The following RABGAP1L variants were observed in gnomAD, a reference collection of about 807,000 sequenced individuals.
The protein encoded by RABGAP1L is RAB GTPase activating protein 1 like, also known as rab GTPase-activating protein 1-like.
A neutral mutation model predicts 137.7 loss-of-function variants in RABGAP1L; 63 were observed. The ratio of observed to expected loss-of-function variants is 0.46; its 90% CI spans 0.37 to 0.56. The LOEUF (loss-of-function observed/expected upper bound fraction) is 0.56. Among genes scored for constraint, RABGAP1L ranks in the 20% least tolerant of loss-of-function variants. RABGAP1L has a pLI of 0.00. For missense variants in RABGAP1L, 1,095 were observed against 1,244.0 expected, an observed-to-expected ratio of 0.88 and a Z score of 1.80; for synonymous variants, 431 against 433.7, an observed-to-expected ratio of 0.99 and a Z score of 0.08.
intron 18 of RABGAP1L, among the ~76,000 whole-genome samples, chr1:174,775,971 C>G (rs147746519): frequency 1.3e-5 from 2 of 152,312 alleles, no homozygotes; most frequent in East Asian, 3.9e-4. Flanking sequence ...AAGATTCTTG[C>G]TATTTCAGTA....
intron 19 of RABGAP1L, among the ~76,000 whole-genome samples, chr1:174,869,757 C>T (rs116085869): frequency 5.9e-5 from 9 of 152,004 alleles, no homozygotes; most frequent in African/African-American, 1.5e-4. Flanking sequence ...TTAGATCATG[C>T]GGGTTAAGTT....
At chr1:174,349,970 C>T (rs1169392032) in intron 11 of RABGAP1L, among the ~76,000 whole-genome samples, 2 of 133,494 alleles carry the variant, frequency 1.5e-5, no homozygotes, top group African/African-American at 2.7e-5. Flanking sequence ...GCTGACCCCC[C>T]CATCTCCCTC....
At chr1:174,733,939 A>G (rs1218566943) in intron 17 of RABGAP1L, among the ~76,000 whole-genome samples, 1 of 152,166 alleles carries the variant, frequency 6.6e-6, no homozygotes, top group East Asian at 1.9e-4. Context: ...TGGGAATGGT[A>G]GGAAGTAGTT....
In RABGAP1L at chr1:174,699,633, T is replaced by C. The variant is rs747630046; in HGVS notation, c.2008T>C (p.Leu670=). ...AGATCTTCATTGCAAATTCTACCAG[T>C]TGGAGAGACTAATGCAGGTAAATAA... ...FEDLHCKFYQ[L]ERLMQEQLPD... is the part of the protein sequence containing the mutation. Residue 670 remains leucine (L), a synonymous_variant, in exon 16 of 26, where the codon TTG becomes CTG. Coordinates refer to ENST00000681986, the MANE Select transcript of RABGAP1L (RefSeq NM_001366446.1). 9 of 1,607,694 alleles carry C rather than the reference T, an allele frequency of 5.6e-6. No homozygotes were observed. In the African/African-American group the frequency reaches 9.4e-5, roughly 17 times the overall value.
intron 13 of RABGAP1L, among the ~76,000 whole-genome samples, chr1:174,620,420 T>G (rs531202370): frequency 4.6e-5 from 7 of 152,006 alleles, no homozygotes; most frequent in Admixed American, 2.0e-4. Context: ...AGAACAGAAA[T>G]TATAACAAAC....
At chr1:174,199,473 G>A (rs1342080922) in intron 1 of RABGAP1L, among the ~76,000 whole-genome samples, 2 of 152,070 alleles carry the variant, frequency 1.3e-5, no homozygotes, top group East Asian at 1.9e-4. Flanking sequence ...TGTATTTTTA[G>A]TAGAGATGGG....
chr1:174,292,513 A>G (rs978012497), intron 10 of RABGAP1L, among the ~76,000 whole-genome samples: 6 of 151,366 alleles, frequency 4.0e-5, no homozygotes, highest in East Asian at 1.9e-4. Context: ...TTTGTGTCCT[A>G]TGGGTCATTC....
intron 11 of RABGAP1L, among the ~76,000 whole-genome samples, chr1:174,352,557 C>G (rs1683291441): frequency 6.6e-6 from 1 of 152,134 alleles, no homozygotes; most frequent in Non-Finnish European, 1.5e-5. Flanking sequence ...ATCTCTGTTA[C>G]TTTTGGATTG....
intron 19 of RABGAP1L, among the ~76,000 whole-genome samples, chr1:174,824,197 A>G (rs755036386): frequency 1.3e-5 from 2 of 151,808 alleles, no homozygotes; most frequent in Non-Finnish European, 2.9e-5. Context: ...GGCTGGGGCA[A>G]GAGAGTCTCT....
At chr1:174,635,898 G>T (rs545545436) in intron 13 of RABGAP1L, among the ~76,000 whole-genome samples, 34 of 152,180 alleles carry the variant, frequency 2.2e-4, no homozygotes, top group South Asian at 1.0e-3. Context: ...TCAAGAGAAA[G>T]AAAAATGGCA....
intron 19 of RABGAP1L, among the ~76,000 whole-genome samples, chr1:174,930,269 C>G (rs1663574642): frequency 6.6e-6 from 1 of 152,046 alleles, no homozygotes; most frequent in South Asian, 2.1e-4. Context: ...AATCCTCCTG[C>G]CTCAGCCTCT....
chr1:174,551,662 C>CATAA (rs980830359), intron 13 of RABGAP1L, among the ~76,000 whole-genome samples: 1 of 150,914 alleles, frequency 6.6e-6, no homozygotes, highest in African/African-American at 2.4e-5. Flanking sequence ...CCGAAGTAAG[C>CATAA]ATAAATAAAT....
At chr1:174,879,502 G>T (rs1243620766) in intron 19 of RABGAP1L, among the ~76,000 whole-genome samples, 1 of 151,956 alleles carries the variant, frequency 6.6e-6, no homozygotes, top group African/African-American at 2.4e-5. Flanking sequence ...CAAAGTGCTG[G>T]GATTGCAGGT....
intron 13 of RABGAP1L, among the ~76,000 whole-genome samples, chr1:174,622,349 A>T (rs1024045833): frequency 7.2e-5 from 11 of 152,238 alleles, no homozygotes; most frequent in African/African-American, 2.7e-4. Flanking sequence ...CCATCCCATT[A>T]CTGGGTATAT....
intron 19 of RABGAP1L, among the ~76,000 whole-genome samples, chr1:174,819,964 G>C (rs1690847549): frequency 6.6e-6 from 1 of 152,144 alleles, no homozygotes; most frequent in African/African-American, 2.4e-5. Flanking sequence ...GGAAGAAATT[G>C]AGGATATTTC....
At chr1:174,350,510 G>T (rs1252667547) in intron 11 of RABGAP1L, among the ~76,000 whole-genome samples, 8 of 138,610 alleles carry the variant, frequency 5.8e-5, no homozygotes, top group Admixed American at 5.7e-4. Context: ...GGGCAGAGAC[G>T]CTCCTCACTT....
chr1:174,310,498 T>C (rs1165990357), intron 11 of RABGAP1L, among the ~76,000 whole-genome samples: 2 of 152,184 alleles, frequency 1.3e-5, no homozygotes, highest in South Asian at 4.1e-4. Context: ...CCTTTATTGA[T>C]ATTCTGTCTG....
At chr1:174,944,274 C>CAAAAAAAAAAAAAAAAAA (rs56225773) in intron 19 of RABGAP1L, among the ~76,000 whole-genome samples, 1 of 50,860 alleles carries the variant, frequency 2.0e-5, no homozygotes, top group African/African-American at 7.4e-5. Context: ...AAGACTGTCT[C>CAAAAAAAAAAAAAAAAAA]AAAAAAAAAA....
chr1:174,192,141 G>A (rs1667253646), intron 1 of RABGAP1L, among the ~76,000 whole-genome samples: 1 of 152,092 alleles, frequency 6.6e-6, no homozygotes, highest in Non-Finnish European at 1.5e-5. Context: ...ATTTATGTTA[G>A]TGGTTTTATT....
Sources: allele counts gnomAD v4.1 joint callset (sites outside exome capture counted in the v4.1 genomes callset), GRCh38; gene constraint gnomAD v4.1.1; transcripts MANE v1.5; gene names NCBI Gene and HGNC (gene_info 2026-07-23, HGNC 2026-07-21).